The following ATP8B4 variants were observed in gnomAD, a reference collection of about 807,000 sequenced individuals.
ATP8B4 encodes probable phospholipid-transporting ATPase IM.
Under a neutral mutation model 145.6 loss-of-function variants are expected in ATP8B4, and 133 were observed. The ratio of observed to expected loss-of-function variants is 0.91; its 90% CI spans 0.79 to 1.05. ATP8B4 has a LOEUF of 1.05. Among genes scored for constraint, ATP8B4 ranks in the 50% least tolerant of loss-of-function variants. The pLI, the probability that ATP8B4 is intolerant of heterozygous loss-of-function variation, is 0.00. For missense variants in ATP8B4, 1,458 were observed against 1,425.2 expected (o/e 1.02, Z -0.37); for synonymous variants, 507 against 492.9 (o/e 1.03, Z -0.38).
At chr15:50,034,881 C>T (rs1468352947) in intron 6 of ATP8B4, among the ~76,000 whole-genome samples, 2 of 152,152 alleles carry the variant, frequency 1.3e-5, no homozygotes, top group African/African-American at 4.8e-5. Context: ...AGGAAACATC[C>T]TCTTATGAAA....
At chr15:50,011,026 T>A in intron 6 of ATP8B4, 109 bp from the exon 7 acceptor site, 1 of 659,670 alleles carries the variant, frequency 1.5e-6, no homozygotes, top group Non-Finnish European at 2.4e-6. Flanking sequence ...CAGGCAAGAC[T>A]TTCCTAGTAT....
intron 20 of ATP8B4, among the ~76,000 whole-genome samples, chr15:49,902,552 C>G (rs937171): frequency 0.68 from 103,970 of 152,058 alleles, 36,058 homozygotes; most frequent in African/African-American, 0.77. Flanking sequence ...TTCCAAGAAT[C>G]ATATCACACA....
rs1040709302 is a variant in ATP8B4, at chr15:49,985,242, G to A, written c.748+2149C>T. On this transcript the variant is annotated intron_variant, in intron 10 of 27. Transcript: ENST00000284509. Reference sequence around the variant, plus strand: ...CTCCCGAGTAGCTGGGACTACAGGCGCCTGCCAACACGCCTGGCTAATTTT... The same window carrying A: ...CTCCCGAGTAGCTGGGACTACAGGCACCTGCCAACACGCCTGGCTAATTTT... 7.9e-5 allele frequency among the ~76,000 whole-genome samples: 12 copies of A among 151,882 alleles called. 1 individual carries two copies. Among genetic ancestry groups the A allele is most frequent in the South Asian group, 2.1e-4 (1 of 4,812 alleles).
chr15:50,075,334 G>T (rs2054106365), intron 2 of ATP8B4, among the ~76,000 whole-genome samples: 2 of 152,150 alleles, frequency 1.3e-5, no homozygotes, highest in South Asian at 4.1e-4. Context: ...TGCATGCCAG[G>T]CACCATGAAT....
In ATP8B4 at chr15:49,866,388, T is replaced by C. The variant is rs1176511775; in HGVS notation, c.3124A>G (p.Asn1042Asp). The C allele has an allele frequency of 6.2e-7, 1 of 1,614,016 alleles. No individual in the cohort carries two copies. Among genetic ancestry groups the C allele is most frequent in the East Asian group, 2.2e-5 (1 of 44,842 alleles). ...TTTGGGAAGATGCCAAAGATGCCAT[T>C]ACTGTGCATTGTAAATAAAATGGAG... Reference protein sequence around the residue: ...YFSILFTMHSNGIFGIFPNQF... With the variant: ...YFSILFTMHSDGIFGIFPNQF... The change falls in exon 26 of 28, where the codon AAT (asparagine) becomes GAT (aspartate). Residue 1042 changes from asparagine (N) to aspartate (D), a missense_variant. Coordinates refer to ENST00000284509, the MANE Select transcript of ATP8B4 (RefSeq NM_024837.4).
chr15:50,021,783 C>G (rs2049593719), intron 6 of ATP8B4, among the ~76,000 whole-genome samples: 1 of 152,206 alleles, frequency 6.6e-6, no homozygotes, highest in South Asian at 2.1e-4. Context: ...CTGGCCTCCT[C>G]ATTTCTGTAT....
chr15:50,176,401 C>T (rs942547576), intron 1 of ATP8B4, among the ~76,000 whole-genome samples: 2 of 152,012 alleles, frequency 1.3e-5, no homozygotes, highest in East Asian at 3.9e-4. Context: ...TAAAAGACTA[C>T]AAATCTGGTG....
At chr15:50,122,569 G>A (rs2057280130), upstream of ATP8B4, among the ~76,000 whole-genome samples, 1 of 152,138 alleles carries the variant, frequency 6.6e-6, no homozygotes, top group African/African-American at 2.4e-5. Flanking sequence ...GGCCAACAAG[G>A]GAAGATTGAG....
intron 12 of ATP8B4, among the ~76,000 whole-genome samples, chr15:49,976,853 A>G (rs1439538058): frequency 6.6e-6 from 1 of 152,134 alleles, no homozygotes; most frequent in Non-Finnish European, 1.5e-5. Flanking sequence ...TAATCCAGCC[A>G]CTTAGTGTTT....
chr15:49,972,694 G>C lies in ATP8B4; in HGVS notation c.1131C>G (p.Thr377=). The C allele has an allele frequency of 6.2e-7, 1 of 1,613,866 alleles. No individual in the cohort carries two copies. Among genetic ancestry groups the C allele is most frequent in the South Asian group, 1.1e-5 (1 of 91,066 alleles). Residue 377 remains threonine (T), a synonymous_variant, in exon 13 of 28, where the codon ACC becomes ACG. Coordinates refer to ENST00000284509, the MANE Select transcript of ATP8B4 (RefSeq NM_024837.4). ...RKAIPAVART[T]TLNEELGQIE... ...TCTGCCCCAGTTCCTCATTGAGCGT[G>C]GTCGTTCGAGCCACTGCAGGTATTG...
At chr15:49,919,014 G>C (rs1010352196) in intron 18 of ATP8B4, 64 bp from the exon 19 acceptor site, 2 of 1,188,288 alleles carry the variant, frequency 1.7e-6, no homozygotes, top group Admixed American at 2.0e-5. Flanking sequence ...AACATCTATG[G>C]ATTTCACTCA....
At chr15:49,974,275 G>T (rs1190500831) in intron 12 of ATP8B4, among the ~76,000 whole-genome samples, 2 of 151,664 alleles carry the variant, frequency 1.3e-5, no homozygotes, top group African/African-American at 4.8e-5. Flanking sequence ...TAGAGACGGG[G>T]TTTCACTACT....
At chr15:50,037,718 T>C (rs1254646654) in intron 6 of ATP8B4, among the ~76,000 whole-genome samples, 1 of 152,230 alleles carries the variant, frequency 6.6e-6, no homozygotes, top group East Asian at 1.9e-4. Flanking sequence ...GGCTTATCCA[T>C]GTCACACCAG....
chr15:50,086,035 A>AGATC (rs2055000803), intron 2 of ATP8B4, among the ~76,000 whole-genome samples: 1 of 106,834 alleles, frequency 9.4e-6, no homozygotes, highest in Non-Finnish European at 1.7e-5. Flanking sequence ...TTTATTATAT[A>AGATC]TAATATAATA....
At chr15:49,905,748 T>A (rs774222300) in intron 20 of ATP8B4, among the ~76,000 whole-genome samples, 4 of 152,190 alleles carry the variant, frequency 2.6e-5, no homozygotes, top group Non-Finnish European at 5.9e-5. Flanking sequence ...AAAGATAATT[T>A]TTTTAGCTTT....
chr15:49,866,206 G>C, intron 26 of ATP8B4, 140 bp downstream of exon 26: 3 of 1,188,926 alleles, frequency 2.5e-6, no homozygotes. Context: ...AAACTCGGAA[G>C]CCTTCAGATG....
chr15:50,123,145 G>A (rs1016647703), upstream of ATP8B4, among the ~76,000 whole-genome samples: 1 of 152,116 alleles, frequency 6.6e-6, no homozygotes, highest in Non-Finnish European at 1.5e-5. Context: ...ACAGATAGGA[G>A]ACTGAAGCCA....
chr15:49,914,401 T>A (rs1247325840), intron 20 of ATP8B4, among the ~76,000 whole-genome samples: 1 of 151,938 alleles, frequency 6.6e-6, no homozygotes, highest in Non-Finnish European at 1.5e-5. Context: ...GAAAACAACT[T>A]CCAGACACTG....
At chr15:49,990,025 A>G (rs539009461) in intron 9 of ATP8B4, among the ~76,000 whole-genome samples, 2 of 152,316 alleles carry the variant, frequency 1.3e-5, no homozygotes, top group South Asian at 4.1e-4. Context: ...TCTAAGAAAA[A>G]CAGAAAAAGT....
Sources: allele counts gnomAD v4.1 joint callset (sites outside exome capture counted in the v4.1 genomes callset), GRCh38; gene constraint gnomAD v4.1.1; transcripts MANE v1.5; gene names NCBI Gene and HGNC (gene_info 2026-07-23, HGNC 2026-07-21).